RGS8: variants seen among roughly 807,000 people sequenced by gnomAD.
The protein encoded by RGS8 is regulator of G-protein signaling 8.
A neutral mutation model predicts 21.7 loss-of-function variants in RGS8; 8 were observed. The observed-to-expected ratio is 0.37, with a 90% CI of 0.22 to 0.66. RGS8 has a LOEUF of 0.66. RGS8 is among the 30% of genes least tolerant of loss of function. The probability of loss-of-function intolerance (pLI) is 0.59; values close to 1 mark genes in which losing one functional copy is unlikely to be tolerated. For synonymous variants in RGS8, 80 were observed against 83.6 expected, an observed-to-expected ratio of 0.96 and a Z score of 0.24; for missense variants, 157 against 217.9, an observed-to-expected ratio of 0.72 and a Z score of 1.76.
the RGS8 span, among the ~76,000 whole-genome samples, chr1:182,747,823 G>A: frequency 3.5e-4 from 52 of 147,974 alleles, no homozygotes; most frequent in Non-Finnish European, 3.7e-4. Flanking sequence ...TCAATGTGGC[G>A]GAACCCCGTC....
chr1:182,695,675 C>T, the RGS8 span, among the ~76,000 whole-genome samples: 5,531 of 152,186 alleles, frequency 0.036, 114 homozygotes, highest in Middle Eastern at 0.054. Flanking sequence ...CAGGCTAATA[C>T]CTGATATGAA....
upstream of RGS8, chr1:182,672,266 A>G (rs1337470646): frequency 5.7e-6 from 1 of 176,390 alleles, no homozygotes; most frequent in Non-Finnish European, 1.2e-5. Flanking sequence ...TGCCCCAGAC[A>G]GCTGCTGACA....
chr1:182,750,462 A>AC, the RGS8 span, among the ~76,000 whole-genome samples: 1 of 152,162 alleles, frequency 6.6e-6, no homozygotes, highest in Non-Finnish European at 1.5e-5. Flanking sequence ...GGCAAAAAAT[A>AC]CCCTATGTCT....
At chr1:182,688,330 T>TAC (rs935669521), upstream of RGS8, among the ~76,000 whole-genome samples, 2 of 151,812 alleles carry the variant, frequency 1.3e-5, no homozygotes, top group Non-Finnish European at 2.9e-5. Context: ...TAGTAGATAG[T>TAC]ACACACACAC....
chr1:182,661,182 T>TA (rs1169472819), intron 5 of RGS8, among the ~76,000 whole-genome samples: 2 of 151,914 alleles, frequency 1.3e-5, no homozygotes, highest in Non-Finnish European at 2.9e-5. Flanking sequence ...GGCTAATTTT[T>TA]AAAAACTAAA....
the RGS8 span, among the ~76,000 whole-genome samples, chr1:182,732,302 C>CA: frequency 0.012 from 1,609 of 136,666 alleles, 33 homozygotes; most frequent in African/African-American, 0.04. Context: ...CACACACACA[C>CA]CCACTGTAGC....
chr1:182,652,275 ATCT>A (rs1663056909), intron 5 of RGS8, among the ~76,000 whole-genome samples: 1 of 152,194 alleles, frequency 6.6e-6, no homozygotes, highest in Admixed American at 6.5e-5. Flanking sequence ...AAAGAATATT[ATCT>A]TTCTGCCTTC....
upstream of RGS8, chr1:182,672,987 C>A (rs765291015): frequency 1.2e-6 from 1 of 812,374 alleles, no homozygotes; most frequent in Non-Finnish European, 2.1e-6. Flanking sequence ...CCTACAGAAT[C>A]AGAAACTCTG....
chr1:182,681,409 C>A (rs1476049801), intron 1 of RGS8, among the ~76,000 whole-genome samples: 1 of 152,202 alleles, frequency 6.6e-6, no homozygotes, highest in Non-Finnish European at 1.5e-5. Flanking sequence ...GCACTCTCCC[C>A]CTTCTCTGAA....
the RGS8 span, among the ~76,000 whole-genome samples, chr1:182,698,838 G>A: frequency 7.9e-5 from 12 of 152,136 alleles, no homozygotes; most frequent in African/African-American, 2.7e-4. Flanking sequence ...TTCTTACTTC[G>A]TAAGCACAGA....
the RGS8 span, among the ~76,000 whole-genome samples, chr1:182,704,155 T>TC: frequency 4.3e-4 from 66 of 152,388 alleles, 1 homozygote; most frequent in African/African-American, 1.5e-3. Flanking sequence ...TAGTGATTCC[T>TC]CCAATAACCA....
At chr1:182,732,070 T>G in the RGS8 span, among the ~76,000 whole-genome samples, 1 of 152,204 alleles carries the variant, frequency 6.6e-6, no homozygotes, top group East Asian at 1.9e-4. Flanking sequence ...GGATAGATAC[T>G]GACGACTTTA....
the RGS8 span, among the ~76,000 whole-genome samples, chr1:182,706,186 T>C: frequency 6.6e-6 from 1 of 152,044 alleles, no homozygotes; most frequent in Non-Finnish European, 1.5e-5. Context: ...GTTTTCACCA[T>C]GTTGCCTGGG....
At chr1:182,679,879 C>A (rs1328463504) in intron 1 of RGS8, among the ~76,000 whole-genome samples, 2 of 152,174 alleles carry the variant, frequency 1.3e-5, no homozygotes, top group Non-Finnish European at 2.9e-5. Context: ...AATTGCTGAT[C>A]TCAGTTTCTG....
downstream of RGS8, chr1:182,643,433 G>C (rs1030707829): frequency 6.6e-6 from 1 of 151,546 alleles, no homozygotes; most frequent in Admixed American, 6.6e-5. Flanking sequence ...TGATGCCTGG[G>C]TCTCTAACAA....
the RGS8 span, among the ~76,000 whole-genome samples, chr1:182,740,932 GAA>G: frequency 2.0e-5 from 3 of 151,644 alleles, no homozygotes; most frequent in Non-Finnish European, 4.4e-5. Context: ...AGAACAAAAT[GAA>G]AAGTCTCCCA....
chr1:182,681,878 T>C (rs544087141), intron 1 of RGS8, among the ~76,000 whole-genome samples: 1 of 152,344 alleles, frequency 6.6e-6, no homozygotes, highest in African/African-American at 2.4e-5. Flanking sequence ...CTCTTCCTTC[T>C]AGAACCTTTT....
At chr1:182,693,953 A>C in the RGS8 span, among the ~76,000 whole-genome samples, 1 of 152,080 alleles carries the variant, frequency 6.6e-6, no homozygotes, top group Non-Finnish European at 1.5e-5. Context: ...AAGAACAAAC[A>C]CACAGGGCCG....
chr1:182,704,768 T>C, the RGS8 span, among the ~76,000 whole-genome samples: 1 of 152,208 alleles, frequency 6.6e-6, no homozygotes, highest in African/African-American at 2.4e-5. Context: ...TCCTTGATTA[T>C]GGCAGGGAGG....
Sources: gnomAD v4.1 joint callset for allele counts (sites outside exome capture counted in the v4.1 genomes callset) on GRCh38, gnomAD v4.1.1 for gene constraint, MANE v1.5 for transcripts, NCBI Gene and HGNC (gene_info 2026-07-23, HGNC 2026-07-21) for gene names.